The following FLT1 variants were observed in gnomAD, a reference collection of about 807,000 sequenced individuals.
FLT1 encodes the protein fms related receptor tyrosine kinase 1, also known as vascular endothelial growth factor receptor 1.
In FLT1, 49 loss-of-function variants were observed where a neutral mutation model predicts 156.3. The ratio of observed to expected loss-of-function variants is 0.31; its 90% CI spans 0.25 to 0.40. FLT1 has a LOEUF of 0.40. Ranked by LOEUF, FLT1 falls within the 10% of genes least tolerant of loss-of-function variation. The pLI is 1.00. For synonymous variants in FLT1, 594 were observed against 583.8 expected (o/e 1.02, Z -0.25); for missense variants, 1,322 against 1,637.2 (o/e 0.81, Z 3.32).
intron 3 of FLT1, among the ~76,000 whole-genome samples, chr13:28,454,065 G>A (rs1172861996): frequency 6.6e-6 from 1 of 152,070 alleles, no homozygotes; most frequent in African/African-American, 2.4e-5. Context: ...GAATGTCCCA[G>A]GCAGAGCACC....
chr13:28,344,792 C>CTT (rs869199622), intron 16 of FLT1, among the ~76,000 whole-genome samples: 829 of 41,436 alleles, frequency 0.02, 97 homozygotes, highest in Middle Eastern at 0.033. Context: ...GGGGCCTTTA[C>CTT]TTTTTTTTTT....
chr13:28,364,040 C>T (rs557234874), intron 14 of FLT1, among the ~76,000 whole-genome samples: 7 of 152,230 alleles, frequency 4.6e-5, no homozygotes, highest in African/African-American at 1.7e-4. Context: ...GTGTGAACTG[C>T]CTGTTTCTAT....
intron 4 of FLT1, among the ~76,000 whole-genome samples, chr13:28,435,527 A>T (rs1036323718): frequency 6.6e-6 from 1 of 152,222 alleles, no homozygotes; most frequent in African/African-American, 2.4e-5. Context: ...ACCTTCCCCC[A>T]ACAGATTATA....
At chr13:28,494,758 C>T (rs1409885096) in intron 1 of FLT1, 22 bp downstream of exon 1, 1 of 1,544,042 alleles carries the variant, frequency 6.5e-7, no homozygotes, top group Non-Finnish European at 8.7e-7. Context: ...GCCTCAGGCC[C>T]CGGCCCCCAG....
intron 1 of FLT1, among the ~76,000 whole-genome samples, chr13:28,468,901 A>AACAG (rs1443922530): frequency 6.6e-6 from 1 of 152,234 alleles, no homozygotes; most frequent in Admixed American, 6.5e-5. Flanking sequence ...AGAACAGCCT[A>AACAG]ACAGACAGCC....
At chr13:28,345,763 TC>T in intron 15 of FLT1, 1 of 512,192 alleles carries the variant, frequency 2.0e-6, no homozygotes, top group Non-Finnish European at 3.5e-6. Context: ...ATACATGAAC[TC>T]ACATAATGAA....
At position 28,303,017 on chromosome 13, in the gene FLT1, A is replaced by G. The variant is rs1870575812; in HGVS notation, c.*150T>C. 1.5e-6 allele frequency: 1 copy of G among 654,566 alleles called. No homozygotes were observed. Among genetic ancestry groups the G allele is most frequent in the Admixed American group, 2.9e-5 (1 of 34,498 alleles). 40.5% of individuals were successfully genotyped at this position (654,566 alleles called of 1,614,324 possible). The stretch of plus-strand genomic sequence containing the variant: ...GTTACATTCTTGTTAGTCAAAAAAA[A>G]AAAAGCACTATTAAAAAAATCACAA... On this transcript the variant is annotated 3_prime_UTR_variant, in exon 30 of 30. Transcript: ENST00000282397.
chr13:28,306,869 G>C, intron 28 of FLT1, 97 bp from the exon 29 acceptor site: 1 of 810,630 alleles, frequency 1.2e-6, no homozygotes, highest in Non-Finnish European at 2.1e-6. Context: ...GTTGATCCAG[G>C]CTCTGCCTCA....
intron 14 of FLT1, among the ~76,000 whole-genome samples, chr13:28,372,563 A>AATTTATATATATATATATAT (rs1565990688): frequency 2.1e-5 from 1 of 46,594 alleles, no homozygotes; most frequent in African/African-American, 6.2e-5. Context: ...GTTTAAATAA[A>AATTTATATATATATATATAT]ATGTATATAT....
rs1593679125 is a variant in FLT1 at position 28,322,118 on chromosome 13, T to G, written c.3051+144A>C. On this transcript the variant is annotated intron_variant, in intron 22 of 29. Transcript: ENST00000282397. This position sits in a 1 kb window ranked among gnomAD's most constrained non-coding sequence, Gnocchi z 4.3. The stretch of plus-strand genomic sequence containing the variant: ...CTCCTCATTCTCAAAACTCCTCATA[T>G]CAAGGCAAATTAAGGCACTTGCAGT... 3 of 669,880 alleles carry G rather than the reference T, an allele frequency of 4.5e-6. No individual in the cohort carries two copies. The East Asian group carries it at 8.2e-5, about 18-fold the overall frequency. The allele number at this position is 669,880 out of a possible 1,614,324, so 41.5% of individuals were successfully genotyped here.
intron 3 of FLT1, among the ~76,000 whole-genome samples, chr13:28,441,845 T>C (rs1292042149): frequency 6.6e-6 from 1 of 152,212 alleles, no homozygotes; most frequent in Non-Finnish European, 1.5e-5. Flanking sequence ...CTTATTTACC[T>C]TCTTCTATAT....
intron 16 of FLT1, among the ~76,000 whole-genome samples, chr13:28,339,979 C>A (rs911614328): frequency 4.6e-5 from 7 of 152,132 alleles, no homozygotes; most frequent in Admixed American, 3.3e-4. Flanking sequence ...CTTTAAAAGG[C>A]TGAGGTGGGT....
At chr13:28,319,116 A>G (rs999562182) in intron 24 of FLT1, among the ~76,000 whole-genome samples, 2 of 152,152 alleles carry the variant, frequency 1.3e-5, no homozygotes, top group African/African-American at 4.8e-5. Flanking sequence ...TTGGAAAAGG[A>G]CAGAATTGGG....
intron 3 of FLT1, among the ~76,000 whole-genome samples, chr13:28,461,325 A>T (rs1187990564): frequency 2.0e-5 from 3 of 152,218 alleles, no homozygotes; most frequent in Non-Finnish European, 4.4e-5. Context: ...AACAACAACT[A>T]GCTCGTAGTT....
chr13:28,339,287 A>G lies in FLT1; in HGVS notation c.2369T>C (p.Ile790Thr), dbSNP rs759895887. Residue 790 changes from isoleucine to threonine, a missense_variant, in exon 17 of 30, where the codon ATA becomes ACA. By Grantham distance (89) the Ile-to-Thr change is moderately conservative (BLOSUM62 -1). Transcript: ENST00000282397. ...IRKMKRSSSE[I>T]KTDYLSIIMD... ...TATAATTGATAGGTAGTCAGTCTTT[A>G]TTTCAGAAGAAGACTGAGAAATAAA... 1.9e-6 allele frequency: 3 copies of G among 1,613,202 alleles called. No individual in the cohort carries two copies. Among genetic ancestry groups the G allele is most frequent in the East Asian group, 2.2e-5 (1 of 44,886 alleles).
Position 28,329,690 on chromosome 13 carries a change from C to T in FLT1, c.2632G>A (p.Glu878Lys), listed in dbSNP as rs772071579. The change falls in exon 19 of 30, where the codon GAG (glutamate) becomes AAG (lysine). Residue 878 changes from glutamate to lysine, a missense_variant. Glu to Lys is a moderately conservative substitution (Grantham distance 56). Coordinates refer to ENST00000282397, the MANE Select transcript of FLT1 (RefSeq NM_002019.4). The part of the protein sequence containing the change: ...TASEYKALMT[E>K]LKILTHIGHH... ...CCAATGTGGGTCAAGATTTTTAGCT[C>T]AGTCATCAGAGCTTTGTACTCGCTG... is the stretch of plus-strand genomic sequence containing the variant. 1 of 1,614,214 alleles carries T rather than the reference C, an allele frequency of 6.2e-7. No individual in the cohort carries two copies. The highest frequency in any genetic ancestry group is 1.1e-5 in the South Asian group (1 of 91,072).
At chr13:28,326,930 T>A (rs1431565423) in intron 20 of FLT1, among the ~76,000 whole-genome samples, 1 of 152,192 alleles carries the variant, frequency 6.6e-6, no homozygotes, top group Non-Finnish European at 1.5e-5. Flanking sequence ...TATGTAGGGA[T>A]GACATGGGTA....
chr13:28,333,561 G>A (rs1241558089), intron 18 of FLT1, among the ~76,000 whole-genome samples: 1 of 152,192 alleles, frequency 6.6e-6, no homozygotes, highest in Non-Finnish European at 1.5e-5. Flanking sequence ...GAGGTAGTTA[G>A]TATAAAATAG....
chr13:28,470,680 CTATT>C (rs1235487981), intron 1 of FLT1, among the ~76,000 whole-genome samples: 3 of 152,036 alleles, frequency 2.0e-5, no homozygotes, highest in Non-Finnish European at 2.9e-5. Flanking sequence ...GAGAGAAGTG[CTATT>C]TATTTATTTA....
Sources: gnomAD v4.1 joint callset for allele counts (sites outside exome capture counted in the v4.1 genomes callset) on GRCh38, gnomAD v4.1.1 for gene constraint, Gnocchi (gnomAD v3.1) non-coding constraint, MANE v1.5 for transcripts, NCBI Gene and HGNC (gene_info 2026-07-23, HGNC 2026-07-21) for gene names.